FAM171B: variants seen among roughly 807,000 people sequenced by gnomAD.
The protein encoded by FAM171B is family with sequence similarity 171 member B.
A neutral mutation model predicts 75.6 loss-of-function variants in FAM171B; 19 were observed. The observed-to-expected ratio is 0.25, with a 90% CI of 0.18 to 0.37. The LOEUF (loss-of-function observed/expected upper bound fraction) is 0.37, where lower values mean the gene tolerates loss of function less well. Ranked by LOEUF, FAM171B falls within the 10% of genes least tolerant of loss-of-function variation. FAM171B has a pLI of 1.00. For synonymous variants in FAM171B, 367 were observed against 361.7 expected (o/e 1.01, Z -0.17); for missense variants, 848 against 982.4 (o/e 0.86, Z 1.83).
intron 3 of FAM171B, among the ~76,000 whole-genome samples, chr2:186,744,048 A>G (rs2105787245): frequency 6.6e-6 from 1 of 152,308 alleles, no homozygotes; most frequent in East Asian, 1.9e-4. Context: ...CCCAAGGAGA[A>G]GAGTGCAGAA....
chr2:186,742,974 C>G (rs1690310189), intron 2 of FAM171B, among the ~76,000 whole-genome samples: 1 of 152,120 alleles, frequency 6.6e-6, no homozygotes, highest in Non-Finnish European at 1.5e-5. Context: ...TAAATTGTTT[C>G]CTTCTCTGCC....
At chr2:186,711,860 T>C (rs2105775071) in intron 1 of FAM171B, among the ~76,000 whole-genome samples, 1 of 152,286 alleles carries the variant, frequency 6.6e-6, no homozygotes, top group Non-Finnish European at 1.5e-5. Flanking sequence ...TCCATGAGGC[T>C]TTTTTGGTCC....
chr2:186,753,848 TG>T (rs1357255650), intron 5 of FAM171B, 84 bp from the exon 6 acceptor site: 1 of 995,268 alleles, frequency 1.0e-6, no homozygotes, highest in Non-Finnish European at 1.6e-6. Context: ...TCATAATCTT[TG>T]AAAAAGTCCC....
At chr2:186,738,660 G>A (rs1262687236) in intron 1 of FAM171B, among the ~76,000 whole-genome samples, 1 of 152,012 alleles carries the variant, frequency 6.6e-6, no homozygotes, top group Non-Finnish European at 1.5e-5. Flanking sequence ...GCACTGAAAG[G>A]GAACCCATTT....
intron 3 of FAM171B, among the ~76,000 whole-genome samples, chr2:186,745,389 G>A (rs977482908): frequency 1.3e-5 from 2 of 152,116 alleles, no homozygotes; most frequent in South Asian, 4.1e-4. Context: ...ACCATGTCCC[G>A]TACCAATCCT....
chr2:186,703,782 A>C (rs1475506648), intron 1 of FAM171B, among the ~76,000 whole-genome samples: 1 of 152,136 alleles, frequency 6.6e-6, no homozygotes, highest in African/African-American at 2.4e-5. Flanking sequence ...CATTTGCATG[A>C]GTAGGGTTTT....
rs750463091 is a variant in FAM171B at position 186,747,081 on chromosome 2, CT to C, written c.566-5del. The C allele has an allele frequency of 2.6e-6, 4 of 1,554,700 alleles. No homozygotes were observed. Among genetic ancestry groups the C allele is most frequent in the African/African-American group, 1.4e-5 (1 of 72,046 alleles). ...TTTATCTCTTTGTTAATGAGGTTTC[CT>C]TTTTTCCAGATGCCAAGTCTCAACC... On this transcript the variant is annotated splice_polypyrimidine_tract_variant and intron_variant, in intron 3 of 7. Coordinates refer to ENST00000304698, the MANE Select transcript of FAM171B (RefSeq NM_177454.4).
chr2:186,719,904 A>ATTTTCT (rs1173396069), intron 1 of FAM171B, among the ~76,000 whole-genome samples: 3 of 152,248 alleles, frequency 2.0e-5, no homozygotes, highest in Non-Finnish European at 4.4e-5. Context: ...ATTAGGTCTA[A>ATTTTCT]ACATACAGTA....
At position 186,699,540 on chromosome 2, in the gene FAM171B, A is replaced by C. The variant is rs113853838; in HGVS notation, c.238+5129A>C. On this transcript the variant is annotated intron_variant, in intron 1 of 7. Transcript: ENST00000304698. The stretch of plus-strand genomic sequence containing the variant: ...ATTCTGGTTATTAATCCCTTGTCAG[A>C]TGGATAGTTGGCAGATACTTTCTCC... Among the ~76,000 whole-genome samples, 1,275 of 152,252 alleles carry C rather than the reference A, an allele frequency of 8.4e-3. 21 individuals are homozygous for C. Among genetic ancestry groups the C allele is most frequent in the African/African-American group, 0.03 (1,226 of 41,542 alleles).
At chr2:186,743,660 T>C (rs750292049) in intron 3 of FAM171B, 85 bp downstream of exon 3, 5 of 944,398 alleles carry the variant, frequency 5.3e-6, no homozygotes, top group Non-Finnish European at 6.7e-6. Flanking sequence ...GTGTGAATTA[T>C]AACTTGAGAA....
chr2:186,739,093 T>C lies in FAM171B; in HGVS notation c.239-1135T>C, dbSNP rs114051920. Among the ~76,000 whole-genome samples the C allele has an allele frequency of 5.3e-3, 808 of 152,294 alleles. 8 individuals carry two copies. Among genetic ancestry groups the C allele is most frequent in the African/African-American group, 0.018 (768 of 41,564 alleles). On this transcript the variant is annotated intron_variant, in intron 1 of 7. Transcript: ENST00000304698. ...GTGTCAGTGCATCTAAACTGACACT[T>C]ATCTAAGCGTACAAAAGGCACAACA...
At chr2:186,746,340 C>T (rs1290063150) in intron 3 of FAM171B, among the ~76,000 whole-genome samples, 1 of 152,156 alleles carries the variant, frequency 6.6e-6, no homozygotes, top group Admixed American at 6.5e-5. Flanking sequence ...GAGAAACTTA[C>T]CCACTTAAGT....
chr2:186,745,977 G>T (rs1690359545), intron 3 of FAM171B, among the ~76,000 whole-genome samples: 1 of 152,182 alleles, frequency 6.6e-6, no homozygotes, highest in Non-Finnish European at 1.5e-5. Context: ...AAACTGAGAA[G>T]TCTTACATTG....
chr2:186,698,771 C>T (rs191895837), intron 1 of FAM171B, among the ~76,000 whole-genome samples: 109 of 152,314 alleles, frequency 7.2e-4, no homozygotes, highest in African/African-American at 2.5e-3. Context: ...ACCATCCCCA[C>T]TTCTTCCCCA....
intron 6 of FAM171B, 146 bp from the exon 7 acceptor site, chr2:186,760,967 C>T: frequency 2.6e-6 from 2 of 767,324 alleles, no homozygotes; most frequent in South Asian, 4.4e-5. Context: ...GGAAGGTTTA[C>T]TTCACCCATA....
chr2:186,702,625 T>A (rs1284761245), intron 1 of FAM171B, among the ~76,000 whole-genome samples: 3 of 152,210 alleles, frequency 2.0e-5, no homozygotes, highest in African/African-American at 7.2e-5. Flanking sequence ...ATAAGGCCAG[T>A]TTATTTGGGC....
At chr2:186,761,309 AGTTT>A in intron 7 of FAM171B, 73 bp downstream of exon 7, 1 of 1,534,738 alleles carries the variant, frequency 6.5e-7, no homozygotes, top group African/African-American at 1.4e-5. Context: ...TACATTGAAA[AGTTT>A]ATTTGTAGAA....
chr2:186,698,492 A>G (rs1232136605), intron 1 of FAM171B, among the ~76,000 whole-genome samples: 1 of 152,162 alleles, frequency 6.6e-6, no homozygotes, highest in Non-Finnish European at 1.5e-5. Flanking sequence ...ACCTGTTTCC[A>G]CTACGTGGGA....
intron 1 of FAM171B, among the ~76,000 whole-genome samples, chr2:186,712,033 C>A (rs1451447151): frequency 1.3e-5 from 2 of 152,122 alleles, no homozygotes; most frequent in Non-Finnish European, 2.9e-5. Context: ...TGTATTCACC[C>A]ATTTTATGTC....
Sources: allele counts gnomAD v4.1 joint callset (sites outside exome capture counted in the v4.1 genomes callset), GRCh38; gene constraint gnomAD v4.1.1; transcripts MANE v1.5; gene names NCBI Gene and HGNC (gene_info 2026-07-23, HGNC 2026-07-21).